The following MCAM variants were observed in gnomAD, a reference collection of about 807,000 sequenced individuals.
The protein encoded by MCAM is melanoma cell adhesion molecule.
Under a neutral mutation model 79.1 loss-of-function variants are expected in MCAM, and 55 were observed. The ratio of observed to expected loss-of-function variants is 0.70; its 90% CI spans 0.56 to 0.87. The LOEUF is 0.87. Ranked by LOEUF, MCAM falls within the 40% of genes least tolerant of loss-of-function variation. The pLI, the probability that MCAM is intolerant of heterozygous loss-of-function variation, is 0.00. For missense variants in MCAM, 745 were observed against 839.8 expected (o/e 0.89, Z 1.40); for synonymous variants, 330 against 339.8 (o/e 0.97, Z 0.32).
rs1186050643 is a variant in MCAM at position 119,310,452 on chromosome 11, G to A, written c.1808C>T (p.Ser603Phe). 6.2e-7 allele frequency: 1 copy of A among 1,611,556 alleles called. No individual in the cohort carries two copies. Among genetic ancestry groups the A allele is most frequent in the Non-Finnish European group, 8.5e-7 (1 of 1,177,866 alleles). The change falls in exon 15 of 16, where the codon TCT becomes TTT. Residue 603 changes from serine to phenylalanine, a missense_variant. Transcript: ENST00000264036. ...SGKQEITLPPSRKSELVVEVK... is the reference protein window; with the variant it reads ...SGKQEITLPPFRKSELVVEVK... ...TTCAACTACAAGTTCGCTCTTACGA[G>A]ACGGGGGTAGCGTGCTGGGAGGAGG... is the stretch of plus-strand genomic sequence containing the variant.
chr11:119,310,839 C>G lies in MCAM; in HGVS notation c.1710G>C (p.Leu570=), dbSNP rs561613315. The G allele has an allele frequency of 3.1e-6, 5 of 1,614,208 alleles. No homozygotes were observed. Among genetic ancestry groups the G allele is most frequent in the Non-Finnish European group, 4.2e-6 (5 of 1,180,040 alleles). ...GGACAGCGCCCAGCACCGCCAGGAC[C>G]AGGATGCACACAATCACAGCCACGA... The part of the protein sequence containing the change: ...VVIVAVIVCI[L]VLAVLGAVLY... The change falls in exon 14 of 16, where the codon CTG becomes CTC. Residue 570 remains leucine, a synonymous_variant. Transcript: ENST00000264036.
intron 5 of MCAM, chr11:119,313,263 G>A: frequency 7.3e-7 from 1 of 1,373,130 alleles, no homozygotes; most frequent in Non-Finnish European, 9.6e-7. Flanking sequence ...TGCGTAGTAT[G>A]GAAAACTTGG....
chr11:119,310,321 G>C (rs1394492153), intron 15 of MCAM, 28 bp downstream of exon 15: 1 of 1,425,716 alleles, frequency 7.0e-7, no homozygotes, highest in African/African-American at 1.4e-5. Context: ...GGATGTGGCA[G>C]GCTCTGGCCA....
In MCAM at chr11:119,310,830, C is replaced by T. The variant is rs61747734; in HGVS notation, c.1719G>A (p.Ala573=). 7,129 of 1,614,160 alleles carry T rather than the reference C, an allele frequency of 4.4e-3. 286 individuals carry two copies. The African/African-American group carries it at 0.081, about 18-fold the overall frequency. Residue 573 remains alanine (A), a synonymous_variant, in exon 14 of 16, where the codon GCG becomes GCA. Coordinates refer to ENST00000264036, the MANE Select transcript of MCAM (RefSeq NM_006500.3). The stretch of plus-strand genomic sequence containing the variant: ...GGAAATAGAGGACAGCGCCCAGCAC[C>T]GCCAGGACCAGGATGCACACAATCA... ...VAVIVCILVL[A]VLGAVLYFLY...
Position 119,312,476 on chromosome 11 carries a change from C to G in MCAM, c.862-48G>C. 6.2e-7 allele frequency: 1 copy of G among 1,613,940 alleles called. No individual in the cohort carries two copies. Among genetic ancestry groups the G allele is most frequent in the Non-Finnish European group, 8.5e-7 (1 of 1,179,936 alleles). On this transcript the variant is annotated intron_variant, in intron 7 of 15. Transcript: ENST00000264036. This position sits in a 1 kb window ranked among gnomAD's most constrained non-coding sequence, Gnocchi z 4.9. ...GCAGAGTGCACCTCCCGCCACTCCA[C>G]CTGGGTCTCTGCTTGCATCCCCACC...
chr11:119,314,958 A>G lies in MCAM; in HGVS notation c.275T>C (p.Leu92Pro). ...QSEPGEYEQR[L>P]SLQDRGATLA... ...AGTAGCCCCTCTGTCCTGGAGGCTG[A>G]GCCGCTGCTCGTACTCCCCAGGTTC... The change falls in exon 3 of 16, where the codon CTC becomes CCC. Residue 92 changes from leucine to proline, a missense_variant. Leu to Pro is a moderately conservative substitution (Grantham distance 98). Coordinates refer to ENST00000264036, the MANE Select transcript of MCAM (RefSeq NM_006500.3). The G allele has an allele frequency of 1.2e-5, 20 of 1,612,436 alleles. No homozygotes were observed. The highest frequency in any genetic ancestry group is 1.7e-5 in the Non-Finnish European group (20 of 1,180,004).
At position 119,315,281 on chromosome 11, in the gene MCAM, G is replaced by A; in HGVS notation, c.68-18C>T. On this transcript the variant is annotated intron_variant, in intron 1 of 15. Coordinates refer to ENST00000264036, the MANE Select transcript of MCAM (RefSeq NM_006500.3). The surrounding 1 kb of genome is among the most constrained non-coding windows in gnomAD (Gnocchi z 4.4). ...GGGCACACCTGGGGGAGGGAGGCGG[G>A]GCCCCCGCAGCTGTGTCAGCTCCGG... 1 of 1,601,054 alleles carries A rather than the reference G, an allele frequency of 6.2e-7. No homozygotes were observed. Among genetic ancestry groups the A allele is most frequent in the South Asian group, 1.1e-5 (1 of 90,570 alleles).
chr11:119,316,439 TC>T lies in MCAM; in HGVS notation c.67+595del, dbSNP rs1950311588. 6.6e-6 allele frequency: 1 copy of T among 152,226 alleles called. No homozygotes were observed. The highest frequency in any genetic ancestry group is 1.9e-4 in the East Asian group (1 of 5,176). The allele number at this position is 152,226 out of a possible 1,614,324, so 9.4% of individuals were successfully genotyped here. Reference sequence around the variant, plus strand: ...GCGCTTCCAGTATGGGAATCCTCCATCCCTCATCTCTGTCCCCTATGATCCC... The same window carrying T: ...GCGCTTCCAGTATGGGAATCCTCCATCCTCATCTCTGTCCCCTATGATCCC... On this transcript the variant is annotated intron_variant, in intron 1 of 15. Coordinates refer to ENST00000264036, the MANE Select transcript of MCAM (RefSeq NM_006500.3). The surrounding 1 kb of genome is among the most constrained non-coding windows in gnomAD (Gnocchi z 4.8).
intron 5 of MCAM, chr11:119,313,419 C>CA: frequency 1.1e-6 from 1 of 882,858 alleles, no homozygotes; most frequent in South Asian, 1.7e-5. Flanking sequence ...TTTTTTCAGA[C>CA]AGAGTTTCAC....
chr11:119,315,295 T>C lies in MCAM; in HGVS notation c.68-32A>G, dbSNP rs759602568. ...GAGGGAGGCGGGGCCCCCGCAGCTGTGTCAGCTCCGGCTGCTGTCCGCCCC... is the reference window on the plus strand; with the variant it reads ...GAGGGAGGCGGGGCCCCCGCAGCTGCGTCAGCTCCGGCTGCTGTCCGCCCC... On this transcript the variant is annotated intron_variant, in intron 1 of 15. Coordinates refer to ENST00000264036, the MANE Select transcript of MCAM (RefSeq NM_006500.3). This position sits in a 1 kb window ranked among gnomAD's most constrained non-coding sequence, Gnocchi z 4.4. 1 of 1,592,360 alleles carries C rather than the reference T, an allele frequency of 6.3e-7. No homozygotes were observed. Among genetic ancestry groups the C allele is most frequent in the Non-Finnish European group, 8.5e-7 (1 of 1,173,734 alleles).
chr11:119,311,592 T>G lies in MCAM; in HGVS notation c.1345A>C (p.Asn449His), dbSNP rs1038264220. The G allele has an allele frequency of 9.3e-6, 15 of 1,613,924 alleles. No homozygotes were observed. The highest frequency in any genetic ancestry group is 1.3e-5 in the Non-Finnish European group (15 of 1,180,008). Residue 449 changes from asparagine to histidine, a missense_variant, in exon 11 of 16, where the codon AAT (asparagine) becomes CAT (histidine). Coordinates refer to ENST00000264036, the MANE Select transcript of MCAM (RefSeq NM_006500.3). This position sits in a 1 kb window ranked among gnomAD's most constrained non-coding sequence, Gnocchi z 4.4. Reference protein sequence around the residue: ...KVWVKENMVLNLSCEASGHPR... With the variant: ...KVWVKENMVLHLSCEASGHPR... ...TGCCCTGACGCTTCACAAGACAGAT[T>G]CAACACCATATTCTCTTTCACCCAC...
In MCAM at chr11:119,316,682, G is replaced by A. The variant is rs1215106878; in HGVS notation, c.67+353C>T. On this transcript the variant is annotated intron_variant, in intron 1 of 15. Coordinates refer to ENST00000264036, the MANE Select transcript of MCAM (RefSeq NM_006500.3). This position sits in a 1 kb window ranked among gnomAD's most constrained non-coding sequence, Gnocchi z 4.8. Reference sequence around the variant, plus strand: ...CGCGGAATTCAGGCTTTGAGGATGCGCCCCAGCTGCGCCTCCTGCCCGGCT... The same window carrying A: ...CGCGGAATTCAGGCTTTGAGGATGCACCCCAGCTGCGCCTCCTGCCCGGCT... 2 of 234,078 alleles carry A rather than the reference G, an allele frequency of 8.5e-6. No individual in the cohort carries two copies. The highest frequency in any genetic ancestry group is 2.2e-4 in the South Asian group (2 of 9,136). 14.5% of individuals were successfully genotyped at this position (234,078 alleles called of 1,614,324 possible).
In MCAM at chr11:119,315,763, C is replaced by G. The variant is rs891938596; in HGVS notation, c.68-500G>C. ...CTCTGGCGGAAGTTCCGGTCTCATG[C>G]TCCCTCAGCAGCACCTCCATGAACA... On this transcript the variant is annotated intron_variant, in intron 1 of 15. Coordinates refer to ENST00000264036, the MANE Select transcript of MCAM (RefSeq NM_006500.3). The surrounding 1 kb of genome is among the most constrained non-coding windows in gnomAD (Gnocchi z 4.4). 11 of 178,706 alleles carry G rather than the reference C, an allele frequency of 6.2e-5. No homozygotes were observed. The highest frequency in any genetic ancestry group is 5.9e-4 in the Admixed American group (11 of 18,672). The allele number at this position is 178,706 out of a possible 1,614,324, so 11.1% of individuals were successfully genotyped here. A position where few individuals can be genotyped will look rare whatever the true frequency, so the allele number is the denominator to read the frequency against.
chr11:119,310,990 T>C (rs752657239), intron 13 of MCAM, 87 bp from the exon 14 acceptor site: 7 of 1,613,558 alleles, frequency 4.3e-6, no homozygotes, highest in Non-Finnish European at 5.9e-6. Flanking sequence ...GCCGACAAGA[T>C]GGGGCTGCTA....
chr11:119,316,926 G>A lies in MCAM; in HGVS notation c.67+109C>T. 1.1e-6 allele frequency: 1 copy of A among 921,114 alleles called. No homozygotes were observed. Among genetic ancestry groups the A allele is most frequent in the Non-Finnish European group, 1.6e-6 (1 of 638,074 alleles). 57.1% of individuals were successfully genotyped at this position (921,114 alleles called of 1,614,324 possible). On this transcript the variant is annotated intron_variant, in intron 1 of 15. Transcript: ENST00000264036. The surrounding 1 kb of genome is among the most constrained non-coding windows in gnomAD (Gnocchi z 4.8). The stretch of plus-strand genomic sequence containing the variant: ...GATCGGGGACCCAGGGAGGAGGCTC[G>A]TCCTCCCAGACGCAACGCCCCGACC...
In MCAM at chr11:119,310,754, AC is replaced by A; in HGVS notation, c.1793+1del. 1.2e-6 allele frequency: 2 copies of A among 1,613,760 alleles called. No homozygotes were observed. The highest frequency in any genetic ancestry group is 1.7e-6 in the Non-Finnish European group (2 of 1,179,912). ...GGGCGGAGGGGCCGGTGTTGGGCTT[AC>A]ATCTCCTGCTTCCCTGAGCGCCTGC... On this transcript the variant is annotated splice_donor_variant, in intron 14 of 15. Coordinates refer to ENST00000264036, the MANE Select transcript of MCAM (RefSeq NM_006500.3). LOFTEE classifies it high-confidence loss of function.
chr11:119,312,423 G>A lies in MCAM; in HGVS notation c.867C>T (p.Pro289=). 6.2e-7 allele frequency: 1 copy of A among 1,613,818 alleles called. No individual in the cohort carries two copies. The highest frequency in any genetic ancestry group is 8.5e-7 in the Non-Finnish European group (1 of 1,179,906). Residue 289 remains proline (P), a synonymous_variant, in exon 8 of 16, where the codon CCC becomes CCT. Coordinates refer to ENST00000264036, the MANE Select transcript of MCAM (RefSeq NM_006500.3). The surrounding 1 kb of genome is among the most constrained non-coding windows in gnomAD (Gnocchi z 4.9). ...PPHFSISKQN[P]STREAEEETT... ...TCTCTTCCTCTGCCTCCCTGGTGCT[G>A]GGGTTCTAGGGAGGATTGGGGAGGT...
Position 119,310,697 on chromosome 11 carries a change from G to T in MCAM, c.1793+59C>A, listed in dbSNP as rs1950218752. ...CTGTCAAGGGGCAGGCGGGCGCTGG[G>T]CAGGCAGCAGGCTGGGTGGCAAAAC... On this transcript the variant is annotated intron_variant, in intron 14 of 15. Coordinates refer to ENST00000264036, the MANE Select transcript of MCAM (RefSeq NM_006500.3). 3.8e-6 allele frequency: 6 copies of T among 1,569,860 alleles called. No individual in the cohort carries two copies. In the Admixed American group the frequency reaches 1.0e-4, roughly 27 times the overall value.
chr11:119,312,662 G>A lies in MCAM; in HGVS notation c.740-14C>T. On this transcript the variant is annotated splice_polypyrimidine_tract_variant and intron_variant, in intron 6 of 15. Transcript: ENST00000264036. The surrounding 1 kb of genome is among the most constrained non-coding windows in gnomAD (Gnocchi z 4.9). ...TTTCTGTCGGGTCTGCATAGGCAAA[G>A]GGGGTAGCTCTTGGCCCATGAGTCA... The A allele has an allele frequency of 1.9e-6, 3 of 1,614,124 alleles. No homozygotes were observed. The highest frequency in any genetic ancestry group is 2.5e-6 in the Non-Finnish European group (3 of 1,180,038).
Sources: gnomAD v4.1 joint callset for allele counts on GRCh38, gnomAD v4.1.1 for gene constraint, Gnocchi (gnomAD v3.1) non-coding constraint, MANE v1.5 for transcripts, NCBI Gene and HGNC (gene_info 2026-07-23, HGNC 2026-07-21) for gene names.